Variants in CELF5 observed in about 807,000 individuals in gnomAD.
CELF5 encodes the protein CUGBP Elav-like family member 5, also known as CUG-BP and ETR-3 like factor 5.
In CELF5, 6 loss-of-function variants were observed where a neutral mutation model predicts 54.9. That is an observed-to-expected ratio of 0.11 (90% CI 0.06 to 0.22). CELF5 has a LOEUF of 0.22. Ranked by LOEUF, CELF5 falls within the 10% of genes least tolerant of loss-of-function variation. CELF5 has a pLI of 1.00. For synonymous variants in CELF5, 271 were observed against 290.9 expected, an observed-to-expected ratio of 0.93 and a Z score of 0.70; for missense variants, 401 against 678.6, an observed-to-expected ratio of 0.59 and a Z score of 4.54.
intron 2 of CELF5, among the ~76,000 whole-genome samples, 171 bp from the exon 3 acceptor site, chr19:3,273,701 G>A (rs891796165): frequency 2.0e-5 from 3 of 152,208 alleles, no homozygotes; most frequent in African/African-American, 7.2e-5. Flanking sequence ...AGTTTCCGCT[G>A]TAGGTGGGAC....
Position 3,293,300 on chromosome 19 carries a change from T to C in CELF5, c.1331-19T>C. On this transcript the variant is annotated intron_variant, in intron 11 of 12. Transcript: ENST00000292672. ...ACACCCGCAGCGCCAACCACGGAGGTCCACCCTGGTTTCTGCAGGCTTCGT... is the reference window on the plus strand; with the variant it reads ...ACACCCGCAGCGCCAACCACGGAGGCCCACCCTGGTTTCTGCAGGCTTCGT... The C allele has an allele frequency of 6.2e-7, 1 of 1,613,534 alleles. No homozygotes were observed. The highest frequency in any genetic ancestry group is 8.5e-7 in the Non-Finnish European group (1 of 1,179,774).
At chr19:3,264,015 C>T (rs1261221771) in intron 2 of CELF5, among the ~76,000 whole-genome samples, 5 of 152,264 alleles carry the variant, frequency 3.3e-5, no homozygotes, top group Non-Finnish European at 7.3e-5. Context: ...ACTACCCAGC[C>T]GGTCCTCTGG....
At position 3,268,339 on chromosome 19, in the gene CELF5, G is replaced by A. The variant is rs138495105; in HGVS notation, c.343-5533G>A. ...GTGTTTGGAGGACTCTGTAAGGTGAGGCCTGTCAGGTGCTGAACGCAGAAC... is the reference window on the plus strand; with the variant it reads ...GTGTTTGGAGGACTCTGTAAGGTGAAGCCTGTCAGGTGCTGAACGCAGAAC... On this transcript the variant is annotated intron_variant, in intron 2 of 12. Transcript: ENST00000292672. This position sits in a 1 kb window ranked among gnomAD's most constrained non-coding sequence, Gnocchi z 4.4. 3.8e-3 allele frequency among the ~76,000 whole-genome samples: 573 copies of A among 152,242 alleles called. 5 individuals carry two copies. The highest frequency in any genetic ancestry group is 0.013 in the African/African-American group (542 of 41,540).
intron 1 of CELF5, among the ~76,000 whole-genome samples, chr19:3,237,311 CAAAAAAAAAAA>C (rs1182124877): frequency 7.6e-4 from 32 of 42,240 alleles, no homozygotes; most frequent in Non-Finnish European, 1.2e-3. Flanking sequence ...GACTCCGTCT[CAAAAAAAAAAA>C]AAAAAAAAAA....
chr19:3,270,833 G>A (rs2079950372), intron 2 of CELF5, among the ~76,000 whole-genome samples: 1 of 151,886 alleles, frequency 6.6e-6, no homozygotes, highest in African/African-American at 2.4e-5. Context: ...CAGCGGTGGG[G>A]GGAAGGGACC....
rs1373318837 is a variant in CELF5 at position 3,278,165 on chromosome 19, G to C, written c.603+55G>C. The C allele has an allele frequency of 2.0e-5, 21 of 1,038,108 alleles. No individual in the cohort carries two copies. The highest frequency in any genetic ancestry group is 3.1e-5 in the African/African-American group (2 of 63,794). The allele number at this position is 1,038,108 out of a possible 1,614,324, so 64.3% of individuals were successfully genotyped here. ...GTGGGGGTGGGAAAGGGGTGAGGGG[G>C]ACAGGGATGAAACAGGCCATATTCC... On this transcript the variant is annotated intron_variant, in intron 5 of 12. Coordinates refer to ENST00000292672, the MANE Select transcript of CELF5 (RefSeq NM_021938.4). The surrounding 1 kb of genome is among the most constrained non-coding windows in gnomAD (Gnocchi z 4.5).
intron 2 of CELF5, among the ~76,000 whole-genome samples, chr19:3,261,605 A>G (rs2079807310): frequency 6.6e-6 from 1 of 152,026 alleles, no homozygotes; most frequent in South Asian, 2.1e-4. Context: ...GGATTGCTTG[A>G]GCCCAGGAGT....
At chr19:3,258,903 G>A (rs1028509802) in intron 2 of CELF5, among the ~76,000 whole-genome samples, 14 of 152,128 alleles carry the variant, frequency 9.2e-5, no homozygotes, top group African/African-American at 3.1e-4. Context: ...GAGCCACTGT[G>A]CTTAGCCTGG....
intron 11 of CELF5, 67 bp from the exon 12 acceptor site, chr19:3,293,252 C>T: frequency 6.3e-7 from 1 of 1,593,346 alleles, no homozygotes; most frequent in South Asian, 1.1e-5. Context: ...AAGCCAGGGC[C>T]ACAGCATAGG....
intron 1 of CELF5, among the ~76,000 whole-genome samples, chr19:3,244,237 G>A (rs2079529286): frequency 6.6e-6 from 1 of 151,944 alleles, no homozygotes; most frequent in South Asian, 2.1e-4. Context: ...GTGAGCATGC[G>A]TCTGTGTGTG....
intron 1 of CELF5, among the ~76,000 whole-genome samples, chr19:3,232,325 T>C (rs1181082006): frequency 6.6e-6 from 1 of 152,108 alleles, no homozygotes; most frequent in East Asian, 1.9e-4. Flanking sequence ...GAGGTTGAGG[T>C]GGGAGGATCC....
In CELF5 at chr19:3,258,597, A is replaced by G. The variant is rs1056532165; in HGVS notation, c.342+7530A>G. 3.3e-5 allele frequency among the ~76,000 whole-genome samples: 5 copies of G among 152,190 alleles called. No homozygotes were observed. The South Asian group carries it at 6.2e-4, about 19-fold the overall frequency. ...CCCCAGGGCTAGGATTTGGGGATAT[A>G]TATATATACATATTTTTTATTTTTA... On this transcript the variant is annotated intron_variant, in intron 2 of 12. Coordinates refer to ENST00000292672, the MANE Select transcript of CELF5 (RefSeq NM_021938.4).
rs1456578408 is a variant in CELF5 at position 3,281,447 on chromosome 19, G to C, written c.750+102G>C. 2.2e-6 allele frequency: 3 copies of C among 1,369,990 alleles called. No individual in the cohort carries two copies. The African/African-American group carries it at 4.3e-5, about 20-fold the overall frequency. 84.9% of individuals were successfully genotyped at this position (1,369,990 alleles called of 1,614,324 possible). A position where few individuals can be genotyped will look rare whatever the true frequency, so the allele number is the denominator to read the frequency against. On this transcript the variant is annotated intron_variant, in intron 6 of 12. Coordinates refer to ENST00000292672, the MANE Select transcript of CELF5 (RefSeq NM_021938.4). The surrounding 1 kb of genome is among the most constrained non-coding windows in gnomAD (Gnocchi z 6.5). ...CCTCTCCCTCCATCTCCCTGACTCA[G>C]GGTCCTCTCCTGGCGTGGCTGAACC...
At chr19:3,259,494 T>C (rs1266117991) in intron 2 of CELF5, among the ~76,000 whole-genome samples, 1 of 151,200 alleles carries the variant, frequency 6.6e-6, no homozygotes, top group African/African-American at 2.4e-5. Context: ...TTGAATCCTC[T>C]CCCTGCTCAC....
chr19:3,262,420 T>G (rs527789776), intron 2 of CELF5, among the ~76,000 whole-genome samples: 1 of 152,288 alleles, frequency 6.6e-6, no homozygotes, highest in South Asian at 2.1e-4. Flanking sequence ...TATCGGACAG[T>G]GCAATCCAGC....
chr19:3,265,717 G>A (rs1419684160), intron 2 of CELF5, among the ~76,000 whole-genome samples: 2 of 152,180 alleles, frequency 1.3e-5, no homozygotes, highest in South Asian at 2.1e-4. Context: ...TGTGATCAAG[G>A]AGTAACCATA....
chr19:3,236,518 G>C (rs1025447905), intron 1 of CELF5, among the ~76,000 whole-genome samples: 2 of 152,152 alleles, frequency 1.3e-5, no homozygotes, highest in African/African-American at 2.4e-5. Flanking sequence ...GCCATGCAGG[G>C]GGTTCGGGAT....
At chr19:3,241,360 T>C (rs12461786) in intron 1 of CELF5, among the ~76,000 whole-genome samples, 23,438 of 151,378 alleles carry the variant, frequency 0.15, 2,069 homozygotes, top group East Asian at 0.26. Flanking sequence ...GGATTACAGG[T>C]GTGAGCCACC....
At chr19:3,266,671 G>A (rs540141238) in intron 2 of CELF5, among the ~76,000 whole-genome samples, 2 of 152,356 alleles carry the variant, frequency 1.3e-5, no homozygotes, top group African/African-American at 4.8e-5. Context: ...AGGATCATCA[G>A]CCTCTGTGGC....
Sources: allele counts gnomAD v4.1 joint callset (sites outside exome capture counted in the v4.1 genomes callset), GRCh38; gene constraint gnomAD v4.1.1; non-coding constraint Gnocchi (gnomAD v3.1); transcripts MANE v1.5; gene names NCBI Gene and HGNC (gene_info 2026-07-23, HGNC 2026-07-21).